Variants in CRACR2A observed in about 807,000 individuals in gnomAD.
CRACR2A encodes the protein EF-hand calcium-binding domain-containing protein 4B.
CRACR2A carries 79 observed loss-of-function variants against 90.5 expected under a neutral mutation model. The observed-to-expected ratio is 0.87, with a 90% CI of 0.73 to 1.05. CRACR2A has a LOEUF of 1.05. Among genes scored for constraint, CRACR2A ranks in the 50% least tolerant of loss-of-function variants. CRACR2A has a pLI of 0.00. For synonymous variants in CRACR2A, 338 were observed against 356.7 expected, an observed-to-expected ratio of 0.95 and a Z score of 0.59; for missense variants, 823 against 897.2, an observed-to-expected ratio of 0.92 and a Z score of 1.06.
At chr12:3,714,580 GTTTAGAC>G (rs1004970980) in intron 2 of CRACR2A, among the ~76,000 whole-genome samples, 1 of 152,160 alleles carries the variant, frequency 6.6e-6, no homozygotes, top group African/African-American at 2.4e-5. Context: ...GAAAAAAATT[GTTTAGAC>G]TATAAATAAG....
At chr12:3,632,190 G>A (rs1944387869) in intron 15 of CRACR2A, among the ~76,000 whole-genome samples, 1 of 152,094 alleles carries the variant, frequency 6.6e-6, no homozygotes, top group Non-Finnish European at 1.5e-5. Context: ...CATGTAAGAT[G>A]TGCCTGCTTT....
At chr12:3,685,275 C>T (rs1323976042) in intron 4 of CRACR2A, among the ~76,000 whole-genome samples, 2 of 152,176 alleles carry the variant, frequency 1.3e-5, no homozygotes, top group African/African-American at 2.4e-5. Flanking sequence ...ACAACTTGCA[C>T]CTTAAAATTA....
chr12:3,620,299 A>G (rs1944107316), intron 17 of CRACR2A, among the ~76,000 whole-genome samples: 1 of 152,254 alleles, frequency 6.6e-6, no homozygotes, highest in Admixed American at 6.5e-5. Flanking sequence ...GCTTTTAATC[A>G]TAATTTAGTA....
At chr12:3,650,818 G>T (rs1476696820) in intron 10 of CRACR2A, among the ~76,000 whole-genome samples, 2 of 152,176 alleles carry the variant, frequency 1.3e-5, no homozygotes, top group African/African-American at 4.8e-5. Context: ...GTGACCACTG[G>T]AGCTACATAT....
intron 2 of CRACR2A, among the ~76,000 whole-genome samples, chr12:3,717,425 C>T (rs992841928): frequency 1.3e-5 from 2 of 152,204 alleles, no homozygotes; most frequent in African/African-American, 2.4e-5. Context: ...AACTCAAATA[C>T]TTCCAAGTGC....
intron 12 of CRACR2A, 50 bp from the exon 13 acceptor site, chr12:3,641,888 T>C (rs1366010180): frequency 6.6e-7 from 1 of 1,506,788 alleles, no homozygotes. Flanking sequence ...GCTCCGATGT[T>C]TGAACAGAAA....
chr12:3,641,842 T>C lies in CRACR2A; in HGVS notation c.1165-4A>G. 2 of 1,551,568 alleles carry C rather than the reference T, an allele frequency of 1.3e-6. No individual in the cohort carries two copies. The highest frequency in any genetic ancestry group is 2.4e-5 in the South Asian group (2 of 84,068). ...TTGCCTTGGCTGCCTTATTTTTCTG[T>C]AGAAACACAAAATGTCCTCAGATCC... is the stretch of plus-strand genomic sequence containing the variant. On this transcript the variant is annotated splice_polypyrimidine_tract_variant and splice_region_variant and intron_variant, in intron 12 of 19. Transcript: ENST00000440314.
chr12:3,638,738 C>T (rs890521854), intron 13 of CRACR2A, among the ~76,000 whole-genome samples: 2 of 152,108 alleles, frequency 1.3e-5, no homozygotes, highest in African/African-American at 4.8e-5. Context: ...GGACATAATC[C>T]CTGTCCTCAC....
At chr12:3,726,778 C>G (rs1160452163) in intron 2 of CRACR2A, 2 of 151,674 alleles carry the variant, frequency 1.3e-5, no homozygotes, top group Non-Finnish European at 2.9e-5. Flanking sequence ...AAACATGTTT[C>G]CAGTCTGGAA....
At position 3,678,919 on chromosome 12, in the gene CRACR2A, C is replaced by T; in HGVS notation, c.520G>A (p.Glu174Lys). 1 of 1,605,778 alleles carries T rather than the reference C, an allele frequency of 6.2e-7. No individual in the cohort carries two copies. Among genetic ancestry groups the T allele is most frequent in the African/African-American group, 1.3e-5 (1 of 74,838 alleles). ...MDRLGAQKVL[E>K]DESDVKQLWL... ...CAAATCACTGTCACCACTTACTCTTCCAACACCTTTTGGGCTCCAAGTCTG... is the reference window on the plus strand; with the variant it reads ...CAAATCACTGTCACCACTTACTCTTTCAACACCTTTTGGGCTCCAAGTCTG... Residue 174 changes from glutamate to lysine, a missense_variant, in exon 6 of 20, where the codon GAA becomes AAA. Transcript: ENST00000440314.
intron 3 of CRACR2A, among the ~76,000 whole-genome samples, chr12:3,709,789 T>C (rs1945981903): frequency 3.9e-5 from 6 of 152,144 alleles, no homozygotes; most frequent in Admixed American, 3.3e-4. Context: ...GAAAAAAAAT[T>C]AGAAAGTAAA....
At chr12:3,720,119 C>CAAGAAAGAAAGAAAGAAAAAGAA (rs1946133834) in intron 2 of CRACR2A, among the ~76,000 whole-genome samples, 1 of 125,286 alleles carries the variant, frequency 8.0e-6, no homozygotes, top group Non-Finnish European at 1.6e-5. Context: ...AACTCTATCT[C>CAAGAAAGAAAGAAAGAAAAAGAA]AAGAAAGAAA....
chr12:3,643,016 C>A (rs1462480773), intron 12 of CRACR2A, among the ~76,000 whole-genome samples: 1 of 152,096 alleles, frequency 6.6e-6, no homozygotes, highest in Non-Finnish European at 1.5e-5. Flanking sequence ...AATTCCATAC[C>A]CCTTTCAAAG....
intron 6 of CRACR2A, among the ~76,000 whole-genome samples, chr12:3,674,338 T>C (rs1184248090): frequency 1.3e-5 from 2 of 151,864 alleles, no homozygotes; most frequent in Non-Finnish European, 2.9e-5. Flanking sequence ...CAGAGGCCAA[T>C]AGACAAAGGC....
At chr12:3,689,621 A>G (rs145425601) in intron 4 of CRACR2A, among the ~76,000 whole-genome samples, 232 of 152,232 alleles carry the variant, frequency 1.5e-3, no homozygotes, top group African/African-American at 4.9e-3. Flanking sequence ...ATTTTGCATC[A>G]ATGTTCATCA....
rs1565477056 is a variant in CRACR2A, at chr12:3,656,326, G to A, written c.843C>T (p.Thr281=). 10 of 1,614,092 alleles carry A rather than the reference G, an allele frequency of 6.2e-6. No homozygotes were observed. Among genetic ancestry groups the A allele is most frequent in the Non-Finnish European group, 8.5e-6 (10 of 1,180,032 alleles). Residue 281 remains threonine, a synonymous_variant, in exon 9 of 20, where the codon ACC becomes ACT. Coordinates refer to ENST00000440314, the MANE Select transcript of CRACR2A (RefSeq NM_001144958.2). The part of the protein sequence containing the change: ...LCKEQELEQL[T]QKQKRLEGQC... The stretch of plus-strand genomic sequence containing the variant: ...GGCAACATACCCTTTTCTGCTTCTG[G>A]GTGAGCTGCTCCAGCTCCTGCTCCT...
At chr12:3,643,893 TA>T (rs1477107065) in intron 12 of CRACR2A, among the ~76,000 whole-genome samples, 5 of 112,704 alleles carry the variant, frequency 4.4e-5, no homozygotes, top group Non-Finnish European at 7.0e-5. Context: ...TATTAATATA[TA>T]ATATATATTA....
chr12:3,710,775 G>C (rs1242516309), intron 3 of CRACR2A, among the ~76,000 whole-genome samples: 2 of 148,506 alleles, frequency 1.3e-5, no homozygotes, highest in Non-Finnish European at 1.5e-5. Context: ...CCTGGCGACA[G>C]AGCGAGGCTC....
intron 6 of CRACR2A, among the ~76,000 whole-genome samples, chr12:3,674,405 C>T (rs1945305035): frequency 6.6e-6 from 1 of 152,170 alleles, no homozygotes; most frequent in Non-Finnish European, 1.5e-5. Flanking sequence ...CAGGCTGACA[C>T]CCAGGGAGGG....
Sources: allele counts gnomAD v4.1 joint callset (sites outside exome capture counted in the v4.1 genomes callset), GRCh38; gene constraint gnomAD v4.1.1; transcripts MANE v1.5; gene names NCBI Gene and HGNC (gene_info 2026-07-23, HGNC 2026-07-21).